Variants in RTTN observed in about 807,000 individuals in gnomAD.
The protein encoded by RTTN is rotatin.
RTTN carries 182 observed loss-of-function variants against 269.2 expected under a neutral mutation model. The observed-to-expected ratio is 0.68, with a 90% confidence interval of 0.60 to 0.76. The LOEUF (loss-of-function observed/expected upper bound fraction) is 0.76. Ranked by LOEUF, RTTN falls within the 30% of genes least tolerant of loss-of-function variation. RTTN has a pLI of 0.00. For synonymous variants in RTTN, 1,006 were observed against 963.5 expected (o/e 1.04, Z -0.82); for missense variants, 2,545 against 2,608.6 (o/e 0.98, Z 0.53).
At chr18:70,048,527 A>G (rs564026566) in intron 39 of RTTN, among the ~76,000 whole-genome samples, 1 of 152,350 alleles carries the variant, frequency 6.6e-6, no homozygotes, top group African/African-American at 2.4e-5. Context: ...TGTTGTGAGA[A>G]CTGATTTTGT....
At chr18:70,188,870 G>A (rs1019637063) in intron 9 of RTTN, among the ~76,000 whole-genome samples, 6 of 139,214 alleles carry the variant, frequency 4.3e-5, no homozygotes, top group African/African-American at 5.0e-5. Context: ...TTCCCACCCC[G>A]CATCCCAAAG....
At chr18:70,022,166 A>T (rs1014802237) in intron 44 of RTTN, among the ~76,000 whole-genome samples, 8 of 152,094 alleles carry the variant, frequency 5.3e-5, no homozygotes. Context: ...CTTCCTCTAA[A>T]AACAGCTACT....
intron 27 of RTTN, among the ~76,000 whole-genome samples, chr18:70,110,661 GTTC>G: frequency 6.6e-6 from 1 of 152,334 alleles, no homozygotes; most frequent in African/African-American, 2.4e-5. Context: ...AGCTGCAGTA[GTTC>G]TTTTTTCCCA....
intron 46 of RTTN, among the ~76,000 whole-genome samples, chr18:70,015,230 T>A (rs2056505441): frequency 6.6e-6 from 1 of 151,966 alleles, no homozygotes; most frequent in Non-Finnish European, 1.5e-5. Flanking sequence ...GCCTGGCTAA[T>A]TTTTGTATTT....
chr18:70,081,681 T>A (rs2058572182), intron 32 of RTTN, among the ~76,000 whole-genome samples: 1 of 152,170 alleles, frequency 6.6e-6, no homozygotes, highest in Non-Finnish European at 1.5e-5. Flanking sequence ...ATATTTAAAA[T>A]TTTGAAACTA....
intron 11 of RTTN, 52 bp downstream of exon 11, chr18:70,176,623 A>G (rs2061308087): frequency 1.3e-6 from 2 of 1,484,486 alleles, no homozygotes; most frequent in African/African-American, 2.8e-5. Flanking sequence ...ACAACAGAGC[A>G]TTTATTTATA....
chr18:70,169,004 T>A lies in RTTN; in HGVS notation c.1540A>T (p.Ile514Phe), dbSNP rs761502781. Reference sequence around the variant, plus strand: ...TGAATATTTGGATATTCCAAAGAAATAGGCATGTCCAAAGAAAGGAGAAAT... The same window carrying A: ...TGAATATTTGGATATTCCAAAGAAAAAGGCATGTCCAAAGAAAGGAGAAAT... ...ALFLLSLDMP[I>F]SLEYPNIHEA... Residue 514 changes from isoleucine to phenylalanine, a missense_variant, in exon 12 of 49, where the codon ATT becomes TTT. Coordinates refer to ENST00000640769, the MANE Select transcript of RTTN (RefSeq NM_173630.4). 1.9e-6 allele frequency: 3 copies of A among 1,612,854 alleles called. No homozygotes were observed. In the Admixed American group the frequency reaches 5.0e-5, roughly 27 times the overall value.
chr18:70,024,281 T>C (rs2056789241), intron 44 of RTTN, among the ~76,000 whole-genome samples: 1 of 152,160 alleles, frequency 6.6e-6, no homozygotes, highest in African/African-American at 2.4e-5. Flanking sequence ...TGATAAAGTG[T>C]CTATCAAGTG....
Position 70,182,610 on chromosome 18 carries a change from T to A in RTTN, c.1305+5498A>T, listed in dbSNP as rs546495112. 7.9e-5 allele frequency among the ~76,000 whole-genome samples: 12 copies of A among 152,310 alleles called. No individual in the cohort carries two copies. The South Asian group carries it at 2.3e-3, about 29-fold the overall frequency. On this transcript the variant is annotated intron_variant, in intron 10 of 48. Transcript: ENST00000640769. ...CTTCAAGGAAGGCAAGGTTATCAGATGACAATTTCAAAATGAAAGATATTA... is the reference window on the plus strand; with the variant it reads ...CTTCAAGGAAGGCAAGGTTATCAGAAGACAATTTCAAAATGAAAGATATTA...
chr18:70,047,642 A>G (rs1395618817), intron 40 of RTTN, among the ~76,000 whole-genome samples: 5 of 152,196 alleles, frequency 3.3e-5, no homozygotes, highest in Non-Finnish European at 7.3e-5. Flanking sequence ...ATTACAATAA[A>G]TTTTGAACCA....
At chr18:70,157,448 T>A (rs1426782449) in intron 14 of RTTN, among the ~76,000 whole-genome samples, 4 of 151,912 alleles carry the variant, frequency 2.6e-5, no homozygotes, top group African/African-American at 9.7e-5. Flanking sequence ...TCAAATAATA[T>A]AAAAGCAAAA....
chr18:70,043,321 T>C (rs2057399153), intron 40 of RTTN, among the ~76,000 whole-genome samples: 1 of 152,228 alleles, frequency 6.6e-6, no homozygotes, highest in Admixed American at 6.5e-5. Flanking sequence ...ACGGTTCAAC[T>C]GTGTATAACA....
Position 70,098,557 on chromosome 18 carries a change from T to C in RTTN, c.3904-5753A>G, listed in dbSNP as rs187671299. Among the ~76,000 whole-genome samples the C allele has an allele frequency of 6.0e-3, 919 of 152,326 alleles. 3 individuals carry two copies. Among genetic ancestry groups the C allele is most frequent in the Middle Eastern group, 0.01 (3 of 294 alleles). On this transcript the variant is annotated intron_variant, in intron 28 of 48. Transcript: ENST00000640769. Reference sequence around the variant, plus strand: ...TAATATACCTGTTTTTTAAAATTCATACATTTCTAATAGACAGCAGAAAAT... The same window carrying C: ...TAATATACCTGTTTTTTAAAATTCACACATTTCTAATAGACAGCAGAAAAT...
chr18:70,160,727 G>A (rs781761699), intron 14 of RTTN, among the ~76,000 whole-genome samples: 6 of 149,764 alleles, frequency 4.0e-5, no homozygotes, highest in African/African-American at 4.9e-5. Context: ...AAATGACTTC[G>A]GTGAAGTTCC....
At position 70,140,720 on chromosome 18, in the gene RTTN, T is replaced by G. The variant is rs1237590339; in HGVS notation, c.2582-532A>C. On this transcript the variant is annotated intron_variant, in intron 19 of 48. Coordinates refer to ENST00000640769, the MANE Select transcript of RTTN (RefSeq NM_173630.4). ...ATTTCTGGAGAACTTGAGCTTCTTT[T>G]TAATAAGCATATATTCACATATTAT... Among the ~76,000 whole-genome samples, 3 of 152,248 alleles carry G rather than the reference T, an allele frequency of 2.0e-5. No homozygotes were observed. The East Asian group carries it at 5.8e-4, about 29-fold the overall frequency.
intron 46 of RTTN, chr18:70,007,058 CCA>C (rs2056214219): frequency 6.6e-6 from 1 of 152,446 alleles, no homozygotes; most frequent in African/African-American, 2.4e-5. Flanking sequence ...ACTGAGGTAC[CCA>C]GCTCATCTCA....
intron 17 of RTTN, among the ~76,000 whole-genome samples, chr18:70,147,414 T>C (rs2060422850): frequency 6.6e-6 from 1 of 152,176 alleles, no homozygotes; most frequent in South Asian, 2.1e-4. Flanking sequence ...CTAGGTTATG[T>C]ATGTAGTTAA....
Position 70,128,376 on chromosome 18 carries a change from G to C in RTTN, c.3125C>G (p.Ser1042Cys). The C allele has an allele frequency of 6.2e-7, 1 of 1,611,766 alleles. No individual in the cohort carries two copies. The highest frequency in any genetic ancestry group is 1.1e-5 in the South Asian group (1 of 90,766). Residue 1042 changes from serine to cysteine, a missense_variant, in exon 24 of 49, where the codon TCT becomes TGT. Transcript: ENST00000640769. The part of the protein sequence containing the change: ...GSDNLLKQMN[S>C]ETKTQEILDA... ...AGCTTACTCTTGCGTTTTAGTTTCA[G>C]AGTTCATTTGCTTCAACAGATTATC...
At chr18:70,159,641 T>C (rs2060774256) in intron 14 of RTTN, among the ~76,000 whole-genome samples, 1 of 151,964 alleles carries the variant, frequency 6.6e-6, no homozygotes, top group African/African-American at 2.4e-5. Context: ...CAAAACCAAA[T>C]TTTGGTTCTC....
Sources: allele counts gnomAD v4.1 joint callset (sites outside exome capture counted in the v4.1 genomes callset), GRCh38; gene constraint gnomAD v4.1.1; transcripts MANE v1.5; gene names NCBI Gene and HGNC (gene_info 2026-07-23, HGNC 2026-07-21).